Variants in SAMD5 observed in about 807,000 individuals in gnomAD.
SAMD5 encodes the protein sterile alpha motif domain containing 5, also known as sterile alpha motif domain-containing protein 5.
In SAMD5, 13 loss-of-function variants were observed where a neutral mutation model predicts 11.3. That is an observed-to-expected ratio of 1.15 (90% CI 0.75 to 1.83). The LOEUF is 1.83. SAMD5 is among the 40% of genes most tolerant of loss of function. SAMD5 has a pLI of 0.00. For synonymous variants in SAMD5, 129 were observed against 111.3 expected (o/e 1.16, Z -1.00); for missense variants, 255 against 239.1 (o/e 1.07, Z -0.44).
At chr6:147,800,963 A>C in the SAMD5 span, among the ~76,000 whole-genome samples, 1 of 152,158 alleles carries the variant, frequency 6.6e-6, no homozygotes, top group African/African-American at 2.4e-5. Context: ...ATATACCTAT[A>C]ACCTATTTTT....
At chr6:147,562,799 G>C (rs1788973789) in intron 1 of SAMD5, among the ~76,000 whole-genome samples, 1 of 151,672 alleles carries the variant, frequency 6.6e-6, no homozygotes, top group Non-Finnish European at 1.5e-5. Context: ...TCCAGCCTGG[G>C]AGACAGAGCG....
intron 1 of SAMD5, among the ~76,000 whole-genome samples, chr6:147,708,590 A>G (rs1791356652): frequency 6.6e-6 from 1 of 152,242 alleles, no homozygotes; most frequent in Non-Finnish European, 1.5e-5. Flanking sequence ...CAGAAGTGGA[A>G]ATATTTCTAG....
At chr6:147,581,660 A>G (rs1789299395) in intron 1 of SAMD5, among the ~76,000 whole-genome samples, 1 of 152,212 alleles carries the variant, frequency 6.6e-6, no homozygotes, top group African/African-American at 2.4e-5. Context: ...GAAGGACTGT[A>G]AAGTATCCAT....
At chr6:147,830,505 C>G in the SAMD5 span, among the ~76,000 whole-genome samples, 5,577 of 152,068 alleles carry the variant, frequency 0.037, 144 homozygotes, top group African/African-American at 0.064. Context: ...GATCCGCCGC[C>G]TCAGCCTCCC....
the SAMD5 span, among the ~76,000 whole-genome samples, chr6:147,861,207 C>T: frequency 2.0e-5 from 3 of 151,710 alleles, no homozygotes; most frequent in African/African-American, 4.8e-5. Context: ...CTCTGTCACT[C>T]AGGCTGGAGT....
chr6:147,799,098 T>G, the SAMD5 span, among the ~76,000 whole-genome samples: 2 of 152,046 alleles, frequency 1.3e-5, no homozygotes, highest in Admixed American at 6.6e-5. Context: ...TGTGTGAATT[T>G]GATCCTGTCA....
At chr6:147,847,028 T>A in the SAMD5 span, among the ~76,000 whole-genome samples, 1 of 152,194 alleles carries the variant, frequency 6.6e-6, no homozygotes, top group East Asian at 1.9e-4. Context: ...AAATAACTGC[T>A]TATGTTCAAA....
At position 147,628,652 on chromosome 6, in the gene SAMD5, AT is replaced by A. The variant is rs60624088; in HGVS notation, c.163-108657del. On this transcript the variant is annotated intron_variant, in intron 1 of 1. Coordinates refer to the SAMD5 transcript ENST00000566741. ...TTCAACAATCCGTTGAACAGAAAGG[AT>A]TTTTTTTCAAACAAAAGATTATGAG... Among the ~76,000 whole-genome samples, 5 of 152,056 alleles carry A rather than the reference AT, an allele frequency of 3.3e-5. No homozygotes were observed. In the East Asian group the frequency reaches 7.7e-4, roughly 24 times the overall value.
chr6:147,513,145 G>C (rs1317933305), intron 1 of SAMD5, among the ~76,000 whole-genome samples: 1 of 152,228 alleles, frequency 6.6e-6, no homozygotes, highest in African/African-American at 2.4e-5. Flanking sequence ...AAAGTGGCAG[G>C]AGATGGAGAG....
chr6:147,741,133 C>T (rs1791873756), downstream of SAMD5, among the ~76,000 whole-genome samples: 1 of 152,116 alleles, frequency 6.6e-6, no homozygotes, highest in Admixed American at 6.5e-5. Flanking sequence ...CCTGGTTTTA[C>T]AGTAAGACAT....
chr6:147,509,427 G>T (rs1354087500), intron 1 of SAMD5, 40 bp downstream of exon 1: 3 of 1,489,148 alleles, frequency 2.0e-6, no homozygotes, highest in African/African-American at 2.9e-5. Context: ...GCGCGCGGCG[G>T]GAGGGGACAC....
intron 1 of SAMD5, among the ~76,000 whole-genome samples, chr6:147,685,865 A>G (rs1791003706): frequency 6.6e-6 from 1 of 152,218 alleles, no homozygotes; most frequent in Non-Finnish European, 1.5e-5. Flanking sequence ...AATCAATGAC[A>G]GACTTTGAAA....
At chr6:147,939,724 A>G in the SAMD5 span, among the ~76,000 whole-genome samples, 2 of 152,290 alleles carry the variant, frequency 1.3e-5, no homozygotes, top group South Asian at 4.2e-4. Flanking sequence ...CCATTTTCCA[A>G]TGGCTTCCCA....
chr6:147,874,281 AT>A, the SAMD5 span, among the ~76,000 whole-genome samples: 2 of 152,198 alleles, frequency 1.3e-5, no homozygotes, highest in African/African-American at 4.8e-5. Flanking sequence ...AGATTTCTTC[AT>A]CCCATTATTG....
chr6:147,803,131 CTGTG>C, the SAMD5 span, among the ~76,000 whole-genome samples: 3,849 of 136,726 alleles, frequency 0.028, 67 homozygotes, highest in South Asian at 0.055. Context: ...GCCTTCCTTT[CTGTG>C]TGTGTGTGTG....
At chr6:147,642,202 T>A (rs766659138) in intron 1 of SAMD5, among the ~76,000 whole-genome samples, 11 of 152,248 alleles carry the variant, frequency 7.2e-5, no homozygotes, top group Non-Finnish European at 1.2e-4. Flanking sequence ...TATTTCTCTG[T>A]TTTAAGAAGT....
At chr6:147,917,901 T>C in the SAMD5 span, among the ~76,000 whole-genome samples, 1 of 152,226 alleles carries the variant, frequency 6.6e-6, no homozygotes, top group African/African-American at 2.4e-5. Context: ...GGCTCTGTTC[T>C]GTTCCATTGG....
intron 1 of SAMD5, among the ~76,000 whole-genome samples, chr6:147,607,587 T>C (rs7766811): frequency 6.6e-6 from 1 of 151,974 alleles, no homozygotes; most frequent in Non-Finnish European, 1.5e-5. Flanking sequence ...GGGATATCCA[T>C]ATGCAGAAGA....
At chr6:147,842,507 T>C in the SAMD5 span, among the ~76,000 whole-genome samples, 1 of 138,940 alleles carries the variant, frequency 7.2e-6, no homozygotes, top group African/African-American at 2.7e-5. Context: ...TGATAAATAG[T>C]ATACTATCCA....
Sources: gnomAD v4.1 joint callset for allele counts (sites outside exome capture counted in the v4.1 genomes callset) on GRCh38, gnomAD v4.1.1 for gene constraint, MANE v1.5 for transcripts, NCBI Gene and HGNC (gene_info 2026-07-23, HGNC 2026-07-21) for gene names.